The following PCDH9 variants were observed in gnomAD, a reference collection of about 807,000 sequenced individuals.
PCDH9 encodes protocadherin 9, also known as protocadherin-9.
A neutral mutation model predicts 70.6 loss-of-function variants in PCDH9; 24 were observed. The observed-to-expected ratio is 0.34, with a 90% CI of 0.25 to 0.48. PCDH9 has a LOEUF of 0.48. Ranked by LOEUF, PCDH9 falls within the 20% of genes least tolerant of loss-of-function variation. The pLI is 0.99. For synonymous variants in PCDH9, 562 were observed against 558.5 expected, an observed-to-expected ratio of 1.01 and a Z score of -0.09; for missense variants, 1,281 against 1,503.6, an observed-to-expected ratio of 0.85 and a Z score of 2.45.
chr13:67,013,991 T>C (rs2084506868), intron 2 of PCDH9, among the ~76,000 whole-genome samples: 1 of 152,088 alleles, frequency 6.6e-6, no homozygotes, highest in Admixed American at 6.6e-5. Flanking sequence ...ACTCTGTTTA[T>C]TTGTTCTTCA....
chr13:67,114,025 G>A (rs2086711879), intron 2 of PCDH9, among the ~76,000 whole-genome samples: 1 of 152,098 alleles, frequency 6.6e-6, no homozygotes, highest in Non-Finnish European at 1.5e-5. Flanking sequence ...AAATTAGAGG[G>A]CATAACATAG....
intron 2 of PCDH9, among the ~76,000 whole-genome samples, chr13:66,987,603 A>G (rs2083918613): frequency 6.6e-6 from 1 of 151,990 alleles, no homozygotes; most frequent in African/African-American, 2.4e-5. Context: ...TTAATCAACT[A>G]AGTCATTGTT....
chr13:66,357,755 C>T (rs867902035), intron 4 of PCDH9, among the ~76,000 whole-genome samples: 5 of 152,114 alleles, frequency 3.3e-5, no homozygotes, highest in Non-Finnish European at 5.9e-5. Flanking sequence ...TTGATTAAAA[C>T]CTATGTGTGT....
At chr13:67,146,721 A>G (rs950289554) in intron 2 of PCDH9, among the ~76,000 whole-genome samples, 2 of 152,196 alleles carry the variant, frequency 1.3e-5, no homozygotes, top group Non-Finnish European at 1.5e-5. Context: ...AGGAGTCCCA[A>G]TTCTGAAGTG....
In PCDH9 at chr13:66,825,577, C is replaced by T. The variant is rs567557767; in HGVS notation, c.3138+77927G>A. 4.2e-3 allele frequency among the ~76,000 whole-genome samples: 640 copies of T among 151,762 alleles called. 2 individuals carry two copies. Among genetic ancestry groups the T allele is most frequent in the Middle Eastern group, 6.8e-3 (2 of 292 alleles). On this transcript the variant is annotated intron_variant, in intron 3 of 4. Transcript: ENST00000377865. ...GTCTCGATCTCCTGACCTCGTGATC[C>T]GCCCGTCTCGGCCTCCCAAAGTGCT... is the stretch of plus-strand genomic sequence containing the variant.
chr13:66,564,233 C>T (rs2076618375), intron 4 of PCDH9, among the ~76,000 whole-genome samples: 1 of 152,020 alleles, frequency 6.6e-6, no homozygotes, highest in Admixed American at 6.6e-5. Flanking sequence ...GGCATGATCA[C>T]AGGTCACTGC....
intron 3 of PCDH9, among the ~76,000 whole-genome samples, chr13:66,673,770 G>A (rs1259283259): frequency 6.6e-6 from 1 of 152,130 alleles, no homozygotes; most frequent in Non-Finnish European, 1.5e-5. Context: ...AATGACTGAA[G>A]TCACTACATA....
chr13:66,797,671 C>T (rs2080265062), intron 3 of PCDH9, among the ~76,000 whole-genome samples: 1 of 152,168 alleles, frequency 6.6e-6, no homozygotes, highest in South Asian at 2.1e-4. Flanking sequence ...GAAGACATGT[C>T]TTTCATTTGT....
At chr13:66,370,287 A>G (rs2138214386) in intron 4 of PCDH9, among the ~76,000 whole-genome samples, 1 of 152,134 alleles carries the variant, frequency 6.6e-6, no homozygotes, top group East Asian at 1.9e-4. Context: ...GTGGGAGAGT[A>G]GAAGCTTAAC....
At chr13:66,747,471 G>C (rs747766564) in intron 3 of PCDH9, among the ~76,000 whole-genome samples, 1 of 152,140 alleles carries the variant, frequency 6.6e-6, no homozygotes, top group Non-Finnish European at 1.5e-5. Context: ...TGAATATTTT[G>C]TTCAAACTCC....
chr13:66,516,745 T>C (rs544159916), intron 4 of PCDH9, among the ~76,000 whole-genome samples: 30 of 152,156 alleles, frequency 2.0e-4, no homozygotes, highest in Non-Finnish European at 4.1e-4. Context: ...TCACTCTCTC[T>C]TTCTCTCTGT....
At chr13:66,596,885 T>A (rs1481722676) in intron 4 of PCDH9, among the ~76,000 whole-genome samples, 5 of 151,504 alleles carry the variant, frequency 3.3e-5, no homozygotes, top group African/African-American at 9.7e-5. Context: ...TTCTTTTTTT[T>A]TTTTTATTCT....
chr13:66,416,672 C>A (rs902724828), intron 4 of PCDH9, among the ~76,000 whole-genome samples: 1 of 151,932 alleles, frequency 6.6e-6, no homozygotes, highest in South Asian at 2.1e-4. Flanking sequence ...GGTCCAACAG[C>A]GACTTGACCT....
At chr13:67,012,096 C>CT (rs2084462487) in intron 2 of PCDH9, among the ~76,000 whole-genome samples, 1 of 151,656 alleles carries the variant, frequency 6.6e-6, no homozygotes, top group Non-Finnish European at 1.5e-5. Context: ...TCCTTTCTTC[C>CT]TTTTTCTTTC....
intron 2 of PCDH9, among the ~76,000 whole-genome samples, chr13:67,038,413 T>C (rs1404968753): frequency 6.6e-6 from 1 of 152,150 alleles, no homozygotes; most frequent in Non-Finnish European, 1.5e-5. Flanking sequence ...CAAACATAAA[T>C]ACCATATAAA....
chr13:66,550,419 A>C (rs534759114), intron 4 of PCDH9, among the ~76,000 whole-genome samples: 1 of 152,120 alleles, frequency 6.6e-6, no homozygotes, highest in Non-Finnish European at 1.5e-5. Flanking sequence ...ACCCCATAGA[A>C]ACATATGTTA....
At chr13:66,925,451 T>C (rs1243062331) in intron 2 of PCDH9, among the ~76,000 whole-genome samples, 1 of 151,924 alleles carries the variant, frequency 6.6e-6, no homozygotes, top group Non-Finnish European at 1.5e-5. Flanking sequence ...GAAGCCACAA[T>C]TCACAGATCT....
chr13:66,348,796 AATT>A (rs1566259702), intron 4 of PCDH9, among the ~76,000 whole-genome samples: 1 of 151,714 alleles, frequency 6.6e-6, no homozygotes, highest in African/African-American at 2.4e-5. Context: ...TCTTGACTGA[AATT>A]ATTTTTTCAA....
chr13:66,812,465 G>A (rs191370823), intron 3 of PCDH9, among the ~76,000 whole-genome samples: 7 of 152,140 alleles, frequency 4.6e-5, no homozygotes, highest in South Asian at 2.1e-4. Flanking sequence ...TGTCAAACAC[G>A]CAAATTAATG....
Sources: gnomAD v4.1 joint callset for allele counts (sites outside exome capture counted in the v4.1 genomes callset) on GRCh38, gnomAD v4.1.1 for gene constraint, MANE v1.5 for transcripts, NCBI Gene and HGNC (gene_info 2026-07-23, HGNC 2026-07-21) for gene names.